Variants in SPMAP2L observed in about 807,000 individuals in gnomAD.
SPMAP2L encodes sperm microtubule associated protein 2-like.
At chr4:56,596,199 CT>C in the SPMAP2L span, among the ~76,000 whole-genome samples, 3 of 152,108 alleles carry the variant, frequency 2.0e-5, no homozygotes, top group African/African-American at 7.2e-5. Flanking sequence ...GTGTTTTCCT[CT>C]TTTTCTGTGT....
the SPMAP2L span, among the ~76,000 whole-genome samples, chr4:56,558,602 T>C: frequency 8.5e-5 from 13 of 152,154 alleles, no homozygotes; most frequent in Middle Eastern, 3.4e-3. Context: ...GCTTTGAATT[T>C]GAAACTGGAT....
chr4:56,594,386 G>A, the SPMAP2L span: 2 of 1,579,830 alleles, frequency 1.3e-6, no homozygotes, highest in Non-Finnish European at 1.7e-6. Context: ...GAAAGAATTT[G>A]CAAACATCCA....
At chr4:56,533,185 A>C in the SPMAP2L span, among the ~76,000 whole-genome samples, 1 of 152,152 alleles carries the variant, frequency 6.6e-6, no homozygotes, top group Non-Finnish European at 1.5e-5. Context: ...AAGGCAAACA[A>C]CTATGCCAAC....
chr4:56,586,823 G>A, the SPMAP2L span, among the ~76,000 whole-genome samples: 1 of 152,046 alleles, frequency 6.6e-6, no homozygotes, highest in Non-Finnish European at 1.5e-5. Context: ...TATTGTTGTA[G>A]TTACAAGTCT....
the SPMAP2L span, among the ~76,000 whole-genome samples, chr4:56,599,923 T>C: frequency 6.6e-6 from 1 of 151,936 alleles, no homozygotes; most frequent in Non-Finnish European, 1.5e-5. Context: ...ACATCACTGA[T>C]CATTAGAGAG....
the SPMAP2L span, among the ~76,000 whole-genome samples, chr4:56,612,795 G>C: frequency 2.0e-5 from 3 of 151,770 alleles, no homozygotes; most frequent in Admixed American, 6.6e-5. Context: ...TCGAACTCCT[G>C]ACCTCAAGTG....
the SPMAP2L span, among the ~76,000 whole-genome samples, chr4:56,555,459 T>C: frequency 6.6e-6 from 1 of 152,206 alleles, no homozygotes; most frequent in Admixed American, 6.5e-5. Context: ...TTTGTCTTTC[T>C]ATATAAACTA....
the SPMAP2L span, among the ~76,000 whole-genome samples, chr4:56,587,046 A>G: frequency 9.2e-5 from 14 of 151,960 alleles, no homozygotes; most frequent in African/African-American, 2.9e-4. Context: ...TTAAAAGTTG[A>G]TTTTTCTTAG....
At chr4:56,562,077 T>C in the SPMAP2L span, among the ~76,000 whole-genome samples, 3 of 152,112 alleles carry the variant, frequency 2.0e-5, no homozygotes, top group African/African-American at 7.2e-5. Flanking sequence ...CATATCCAAA[T>C]TATAGCACGG....
At chr4:56,608,760 C>A in the SPMAP2L span, among the ~76,000 whole-genome samples, 1 of 152,166 alleles carries the variant, frequency 6.6e-6, no homozygotes, top group Non-Finnish European at 1.5e-5. Flanking sequence ...CACCAACATG[C>A]AACATCAACC....
the SPMAP2L span, among the ~76,000 whole-genome samples, chr4:56,563,884 G>A: frequency 5.9e-5 from 9 of 152,080 alleles, no homozygotes; most frequent in South Asian, 8.3e-4. Context: ...TTGGTATTAC[G>A]GTAATGGTGT....
At chr4:56,531,077 A>G in the SPMAP2L span, 4 of 1,535,552 alleles carry the variant, frequency 2.6e-6, no homozygotes, top group African/African-American at 1.4e-5. Flanking sequence ...CGCGAGGCCA[A>G]GGAAACCGAG....
At chr4:56,571,333 T>A in the SPMAP2L span, among the ~76,000 whole-genome samples, 62 of 151,822 alleles carry the variant, frequency 4.1e-4, 3 homozygotes, top group East Asian at 0.012. Context: ...AAACTTTTTT[T>A]TTTTCAGAGG....
the SPMAP2L span, among the ~76,000 whole-genome samples, chr4:56,577,709 A>C: frequency 6.6e-6 from 1 of 152,242 alleles, no homozygotes; most frequent in East Asian, 1.9e-4. Flanking sequence ...ATAAGCAAAA[A>C]TTGAGATAAT....
At chr4:56,603,218 G>A in the SPMAP2L span, 1 of 1,529,434 alleles carries the variant, frequency 6.5e-7, no homozygotes. Context: ...GGGCTCCTGT[G>A]CGTATTGTGT....
chr4:56,624,289 T>C, the SPMAP2L span, among the ~76,000 whole-genome samples: 1 of 152,214 alleles, frequency 6.6e-6, no homozygotes, highest in African/African-American at 2.4e-5. Flanking sequence ...TTGGGTGCTG[T>C]TAAAAGCATT....
the SPMAP2L span, among the ~76,000 whole-genome samples, chr4:56,569,729 C>G: frequency 6.6e-6 from 1 of 152,034 alleles, no homozygotes; most frequent in Non-Finnish European, 1.5e-5. Flanking sequence ...ATCACTTGAG[C>G]CTGGGAGGTC....
chr4:56,593,595 C>T, the SPMAP2L span: 2 of 1,603,916 alleles, frequency 1.2e-6, no homozygotes, highest in African/African-American at 1.3e-5. Context: ...GTAGACATCG[C>T]CTTGGGCAGC....
chr4:56,554,426 T>C, the SPMAP2L span, among the ~76,000 whole-genome samples: 1 of 152,242 alleles, frequency 6.6e-6, no homozygotes, highest in African/African-American at 2.4e-5. Flanking sequence ...AATTCTCTAA[T>C]GAACTGATGT....
Sources: allele counts gnomAD v4.1 joint callset (sites outside exome capture counted in the v4.1 genomes callset), GRCh38; gene constraint gnomAD v4.1.1; transcripts MANE v1.5; gene names NCBI Gene and HGNC (gene_info 2026-07-23, HGNC 2026-07-21).